Variants in OR14A16 observed in about 807,000 individuals in gnomAD.
The protein encoded by OR14A16 is olfactory receptor 14A16.
For synonymous variants in OR14A16, 135 were observed against 137.6 expected, an observed-to-expected ratio of 0.98 and a Z score of 0.13; for missense variants, 341 against 366.5, an observed-to-expected ratio of 0.93 and a Z score of 0.57.
At chr1:247,815,999 A>G (rs751937295) in intron 2 of OR14A16, among the ~76,000 whole-genome samples, 1 of 152,152 alleles carries the variant, frequency 6.6e-6, no homozygotes, top group South Asian at 2.1e-4. Context: ...TATTATCCAA[A>G]TATATCTTAT....
At chr1:247,819,416 A>G (rs573765083) in intron 1 of OR14A16, among the ~76,000 whole-genome samples, 2 of 152,050 alleles carry the variant, frequency 1.3e-5, no homozygotes, top group South Asian at 4.2e-4. Context: ...AAAGACTAGG[A>G]GATGTGTTAC....
chr1:247,819,617 A>C (rs1662692831), intron 1 of OR14A16, among the ~76,000 whole-genome samples: 1 of 152,188 alleles, frequency 6.6e-6, no homozygotes, highest in Admixed American at 6.5e-5. Flanking sequence ...ATATGAATGT[A>C]GATAGTGAAA....
intron 1 of OR14A16, among the ~76,000 whole-genome samples, chr1:247,820,101 T>C (rs1375774419): frequency 6.6e-6 from 1 of 152,226 alleles, no homozygotes; most frequent in African/African-American, 2.4e-5. Flanking sequence ...ATCTTTTTAA[T>C]GTGCTGTTGA....
At position 247,815,316 on chromosome 1, in the gene OR14A16, G is replaced by A. The variant is rs771359251; in HGVS notation, c.414C>T (p.Thr138=). 1 of 1,614,102 alleles carries A rather than the reference G, an allele frequency of 6.2e-7. No individual in the cohort carries two copies. Among genetic ancestry groups the A allele is most frequent in the Non-Finnish European group, 8.5e-7 (1 of 1,180,018 alleles). Residue 138 remains threonine (T), a synonymous_variant, in exon 3 of 3, where the codon ACC becomes ACT. Coordinates refer to ENST00000641093, the MANE Select transcript of OR14A16 (RefSeq NM_001001966.2). ...AAGACACAGTGGCTCTTTGGACACA[G>A]GTGCTCCTGTCCATGATGACATCAT... ...LHYDVIMDRS[T]CVQRATVSWL...
chr1:247,818,349 A>T (rs1360968837), intron 2 of OR14A16, among the ~76,000 whole-genome samples: 3 of 152,236 alleles, frequency 2.0e-5, no homozygotes, highest in African/African-American at 7.2e-5. Flanking sequence ...TAAACTAAAA[A>T]TAAAACTACC....
rs564801640 is a variant in OR14A16, at chr1:247,815,503, G to T, written c.227C>A (p.Ala76Asp). 3.7e-6 allele frequency: 6 copies of T among 1,613,894 alleles called. No homozygotes were observed. The South Asian group carries it at 5.5e-5, about 15-fold the overall frequency. ...CAAAGAATTGGCGATAGATTTGGGA[G>T]CCGTGACTGAAATAAGGCAGAGATC... ...FLDLCLISVT[A>D]PKSIANSLIH... Residue 76 changes from alanine (A) to aspartate (D), a missense_variant, in exon 3 of 3, where the codon GCT (alanine) becomes GAT (aspartate). By Grantham distance (126) the Ala-to-Asp change is moderately radical (BLOSUM62 -2). Transcript: ENST00000641093.
chr1:247,822,074 A>G (rs1011640432), intron 1 of OR14A16, among the ~76,000 whole-genome samples: 1 of 152,050 alleles, frequency 6.6e-6, no homozygotes, highest in African/African-American at 2.4e-5. Context: ...TATGTTTTTT[A>G]TGTTGTAAAC....
At chr1:247,820,698 ACCC>A (rs746076766) in intron 1 of OR14A16, among the ~76,000 whole-genome samples, 22,417 of 150,196 alleles carry the variant, frequency 0.15, 1,984 homozygotes, top group Non-Finnish European at 0.19. Context: ...ACAAAAAAAA[ACCC>A]CAAAAACAAT....
chr1:247,815,133 A>G lies in OR14A16; in HGVS notation c.597T>C (p.Leu199=). ...ENLIREIALI[L]INVVLDFCCF... is the part of the protein sequence containing the mutation. ...AGCAGAAATCCAAAACTACATTAATAAGGATGAGTGCAATTTCTCTTATTA... is the reference window on the plus strand; with the variant it reads ...AGCAGAAATCCAAAACTACATTAATGAGGATGAGTGCAATTTCTCTTATTA... The change falls in exon 3 of 3, where the codon CTT becomes CTC. Residue 199 remains leucine (L), a synonymous_variant. Coordinates refer to ENST00000641093, the MANE Select transcript of OR14A16 (RefSeq NM_001001966.2). The G allele has an allele frequency of 6.2e-7, 1 of 1,612,858 alleles. No individual in the cohort carries two copies. Among genetic ancestry groups the G allele is most frequent in the Non-Finnish European group, 8.5e-7 (1 of 1,178,864 alleles).
At chr1:247,815,929 G>A (rs756855980) in intron 2 of OR14A16, among the ~76,000 whole-genome samples, 185 bp from the exon 3 acceptor site, 1 of 152,016 alleles carries the variant, frequency 6.6e-6, no homozygotes, top group Non-Finnish European at 1.5e-5. Context: ...TGATCACCAA[G>A]CATTTCCTGA....
intron 1 of OR14A16, among the ~76,000 whole-genome samples, chr1:247,822,365 G>T (rs1226406941): frequency 6.6e-6 from 1 of 151,382 alleles, no homozygotes; most frequent in Non-Finnish European, 1.5e-5. Flanking sequence ...GCAGAAGGGG[G>T]ATTTTTTTTC....
chr1:247,815,619 C>T lies in OR14A16; in HGVS notation c.111G>A (p.Leu37=). The part of the protein sequence containing the change: ...ILFLLIYLCA[L]MGNVLIIMIT... ...TCATGATAATGAGGACATTCCCCAT[C>T]AGGGCACACAAATAAATCAACAAGA... The change falls in exon 3 of 3, where the codon CTG becomes CTA. Residue 37 remains leucine (L), a synonymous_variant. Transcript: ENST00000641093. 1 of 1,612,336 alleles carries T rather than the reference C, an allele frequency of 6.2e-7. No individual in the cohort carries two copies. Among genetic ancestry groups the T allele is most frequent in the Admixed American group, 1.7e-5 (1 of 60,006 alleles).
At position 247,814,973 on chromosome 1, in the gene OR14A16, A is replaced by T. The variant is rs532171172; in HGVS notation, c.757T>A (p.Phe253Ile). Residue 253 changes from phenylalanine to isoleucine, a missense_variant, in exon 3 of 3, where the codon TTC (phenylalanine) becomes ATC (isoleucine). By Grantham distance (21) the Phe-to-Ile change is conservative. Coordinates refer to ENST00000641093, the MANE Select transcript of OR14A16 (RefSeq NM_001001966.2). ...GAAGCTGGCTTCAGATAAGCAATGA[A>T]TCCAGTGGAAAGAAATAACACAACC... ...LLVVLFLSTGFIAYLKPASES... is the reference protein window; with the variant it reads ...LLVVLFLSTGIIAYLKPASES... The T allele has an allele frequency of 1.1e-4, 185 of 1,614,016 alleles. 1 individual carries two copies. In the South Asian group the frequency reaches 2.0e-3, roughly 17 times the overall value.
chr1:247,823,024 G>A (rs1306108854), intron 1 of OR14A16, among the ~76,000 whole-genome samples: 1 of 152,134 alleles, frequency 6.6e-6, no homozygotes, highest in Admixed American at 6.5e-5. Context: ...TTCTCTAAAG[G>A]ACCCTATTGA....
rs1192297458 is a variant in OR14A16 at position 247,815,777 on chromosome 1, T to C, written c.-15-33A>G. ...AAAAGGAGAAGACTGAAGTAAAATA[T>C]CAATGTCCACTCTTTAAATATTAAA... On this transcript the variant is annotated intron_variant, in intron 2 of 2. Transcript: ENST00000641093. The C allele has an allele frequency of 3.4e-6, 3 of 886,406 alleles. No individual in the cohort carries two copies. The East Asian group carries it at 7.4e-5, about 22-fold the overall frequency. 54.9% of individuals were successfully genotyped at this position (886,406 alleles called of 1,614,324 possible). A position where few individuals can be genotyped will look rare whatever the true frequency, so the allele number is the denominator to read the frequency against.
At chr1:247,816,153 G>T (rs1468695266) in intron 2 of OR14A16, among the ~76,000 whole-genome samples, 1 of 152,106 alleles carries the variant, frequency 6.6e-6, no homozygotes, top group Non-Finnish European at 1.5e-5. Flanking sequence ...CCTACATCTT[G>T]TCCCATGACT....
At position 247,814,691 on chromosome 1, in the gene OR14A16, C is replaced by T. The variant is rs1662567948; in HGVS notation, c.*109G>A. The T allele has an allele frequency of 5.6e-6, 3 of 532,894 alleles. No individual in the cohort carries two copies. The highest frequency in any genetic ancestry group is 9.0e-6 in the Non-Finnish European group (3 of 334,614). The allele number at this position is 532,894 out of a possible 1,614,324, so 33.0% of individuals were successfully genotyped here. On this transcript the variant is annotated 3_prime_UTR_variant, in exon 3 of 3. Coordinates refer to ENST00000641093, the MANE Select transcript of OR14A16 (RefSeq NM_001001966.2). ...AATTTTCTAATAAAATAATTGCTTT[C>T]ATTTGTCTTTTTAAATTTTTACTTT...
intron 2 of OR14A16, among the ~76,000 whole-genome samples, chr1:247,817,550 A>G (rs1427071766): frequency 1.3e-5 from 2 of 152,214 alleles, no homozygotes; most frequent in African/African-American, 2.4e-5. Flanking sequence ...ACAGATGTCC[A>G]TACGTGTCTC....
At chr1:247,822,721 A>G (rs1282827312) in intron 1 of OR14A16, among the ~76,000 whole-genome samples, 2 of 152,192 alleles carry the variant, frequency 1.3e-5, no homozygotes, top group Admixed American at 1.3e-4. Context: ...TTACTAATAC[A>G]TCTTTCAAAT....
Sources: gnomAD v4.1 joint callset for allele counts (sites outside exome capture counted in the v4.1 genomes callset) on GRCh38, gnomAD v4.1.1 for gene constraint, MANE v1.5 for transcripts, NCBI Gene and HGNC (gene_info 2026-07-23, HGNC 2026-07-21) for gene names.